The following OCM variants were observed in gnomAD, a reference collection of about 807,000 sequenced individuals.
OCM encodes the protein oncomodulin.
A neutral mutation model predicts 14.1 loss-of-function variants in OCM; 18 were observed. The ratio of observed to expected loss-of-function variants is 1.28; its 90% CI spans 0.88 to 1.89. The LOEUF is 1.89. Among genes scored for constraint, OCM ranks in the 40% most tolerant of loss-of-function variants. The probability of loss-of-function intolerance (pLI) is 0.00; values close to 1 mark genes in which losing one functional copy is unlikely to be tolerated. For missense variants in OCM, 140 were observed against 137.6 expected, an observed-to-expected ratio of 1.02 and a Z score of -0.09; for synonymous variants, 48 against 51.0, an observed-to-expected ratio of 0.94 and a Z score of 0.25.
chr7:5,880,947 C>T lies in OCM; in HGVS notation c.58C>T (p.Arg20Ter), dbSNP rs371654274. 2.7e-5 allele frequency: 43 copies of T among 1,610,740 alleles called. No individual in the cohort carries two copies. In the Admixed American group the frequency reaches 3.0e-4, roughly 11 times the overall value. Reference protein sequence around the residue: ...DDIAAALQECRDPDTFEPQKF... With the variant: ...DDIAAALQEC ...CATTGCAGCAGCGCTCCAGGAATGCCGAGGTAGAGGGGACGTGAGGCGGGG... is the reference window on the plus strand; with the variant it reads ...CATTGCAGCAGCGCTCCAGGAATGCTGAGGTAGAGGGGACGTGAGGCGGGG... The change falls in exon 1 of 4, where the codon CGA becomes TGA. Residue 20 changes from arginine (R) to a stop codon, truncating the protein, a stop_gained. Coordinates refer to ENST00000242104, the MANE Select transcript of OCM (RefSeq NM_001097622.2). LOFTEE classifies it high-confidence loss of function.
At chr7:5,867,374 C>G in the OCM span, among the ~76,000 whole-genome samples, 25 of 152,110 alleles carry the variant, frequency 1.6e-4, no homozygotes, top group African/African-American at 6.0e-4. Flanking sequence ...TATTGTGTCT[C>G]TTTTTTCTGG....
the OCM span, among the ~76,000 whole-genome samples, chr7:5,868,016 G>A: frequency 6.6e-6 from 1 of 152,022 alleles, no homozygotes; most frequent in Admixed American, 6.6e-5. Flanking sequence ...GGGATTACAG[G>A]AGTGAGCCAC....
upstream of OCM, among the ~76,000 whole-genome samples, chr7:5,879,591 C>A (rs116926195): frequency 0.025 from 3,780 of 152,178 alleles, 69 homozygotes; most frequent in Non-Finnish European, 0.038. Flanking sequence ...TTAGTTCAGG[C>A]CACCATCTCC....
intron 2 of OCM, among the ~76,000 whole-genome samples, chr7:5,883,610 C>A (rs1014697740): frequency 6.6e-6 from 1 of 150,756 alleles, no homozygotes. Flanking sequence ...TTGATTGAGC[C>A]CAGGAAGTCG....
chr7:5,885,114 C>T (rs1458879833), intron 3 of OCM, among the ~76,000 whole-genome samples: 1 of 71,306 alleles, frequency 1.4e-5, no homozygotes, highest in African/African-American at 5.2e-5. Flanking sequence ...GAGTGAAACT[C>T]TATCTCAAAA....
At chr7:5,885,578 T>C (rs191738444) in intron 3 of OCM, among the ~76,000 whole-genome samples, 122 of 151,882 alleles carry the variant, frequency 8.0e-4, no homozygotes, top group South Asian at 2.3e-3. Context: ...GATATAGTCA[T>C]TGATACCCAG....
upstream of OCM, among the ~76,000 whole-genome samples, chr7:5,875,121 C>G (rs1385427924): frequency 6.7e-6 from 1 of 149,476 alleles, no homozygotes; most frequent in Admixed American, 6.8e-5. Context: ...GTGGCACAAA[C>G]TTGGCTCACT....
chr7:5,865,401 C>T, the OCM span, among the ~76,000 whole-genome samples: 321 of 152,198 alleles, frequency 2.1e-3, no homozygotes, highest in African/African-American at 7.1e-3. Flanking sequence ...GAGATGGTGA[C>T]GCTAAGAGGC....
At chr7:5,871,173 C>CA in the OCM span, among the ~76,000 whole-genome samples, 1 of 44,816 alleles carries the variant, frequency 2.2e-5, no homozygotes, top group Admixed American at 3.4e-4. Context: ...ATAGTGAGAG[C>CA]CCCCCCCCCG....
intron 1 of OCM, among the ~76,000 whole-genome samples, chr7:5,882,085 C>CAAAAAAA (rs60321561): frequency 2.8e-4 from 13 of 45,970 alleles, no homozygotes; most frequent in African/African-American, 6.6e-4. Context: ...GACTCTGTCT[C>CAAAAAAA]AAAAAAAAAA....
At chr7:5,874,195 G>C in the OCM span, among the ~76,000 whole-genome samples, 1 of 117,326 alleles carries the variant, frequency 8.5e-6, no homozygotes, top group Non-Finnish European at 1.6e-5. Flanking sequence ...CTACATTCCA[G>C]CCTGGGTGAC....
At chr7:5,860,805 C>CAT in the OCM span, among the ~76,000 whole-genome samples, 22 of 109,978 alleles carry the variant, frequency 2.0e-4, 4 homozygotes, top group East Asian at 9.2e-3. Flanking sequence ...TATATACACA[C>CAT]ATACACACAT....
At chr7:5,869,423 C>A in the OCM span, among the ~76,000 whole-genome samples, 1 of 151,980 alleles carries the variant, frequency 6.6e-6, no homozygotes, top group Non-Finnish European at 1.5e-5. Context: ...CATGGTGAAA[C>A]CCTGTCTCTA....
the OCM span, among the ~76,000 whole-genome samples, chr7:5,862,887 CTT>C: frequency 6.1e-4 from 92 of 151,746 alleles, 1 homozygote; most frequent in African/African-American, 2.2e-3. Flanking sequence ...ATCATGGACT[CTT>C]TACTCCCTCT....
At position 5,880,941 on chromosome 7, in the gene OCM, G is replaced by A. The variant is rs775930930; in HGVS notation, c.52G>A (p.Glu18Lys). 1.9e-6 allele frequency: 3 copies of A among 1,611,402 alleles called. No individual in the cohort carries two copies. The highest frequency in any genetic ancestry group is 2.5e-6 in the Non-Finnish European group (3 of 1,177,836). The change falls in exon 1 of 4, where the codon GAA (glutamate) becomes AAA (lysine). Residue 18 changes from glutamate (E) to lysine (K), a missense_variant. Coordinates refer to ENST00000242104, the MANE Select transcript of OCM (RefSeq NM_001097622.2). Reference sequence around the variant, plus strand: ...TGACGACATTGCAGCAGCGCTCCAGGAATGCCGAGGTAGAGGGGACGTGAG... The same window carrying A: ...TGACGACATTGCAGCAGCGCTCCAGAAATGCCGAGGTAGAGGGGACGTGAG... Reference protein sequence around the residue: ...SADDIAAALQECRDPDTFEPQ... With the variant: ...SADDIAAALQKCRDPDTFEPQ...
upstream of OCM, among the ~76,000 whole-genome samples, chr7:5,876,993 C>CG (rs1334587611): frequency 1.3e-5 from 2 of 151,970 alleles, no homozygotes; most frequent in Non-Finnish European, 1.5e-5. Flanking sequence ...TTAGTAGAGA[C>CG]GGGGGTTTCT....
chr7:5,884,329 G>A (rs948484757), intron 3 of OCM, among the ~76,000 whole-genome samples: 4 of 152,176 alleles, frequency 2.6e-5, no homozygotes, highest in African/African-American at 9.7e-5. Flanking sequence ...CATAAAGCGC[G>A]AGGTATTTCT....
the OCM span, among the ~76,000 whole-genome samples, chr7:5,869,768 C>T: frequency 2.0e-5 from 3 of 152,120 alleles, no homozygotes; most frequent in African/African-American, 7.2e-5. Flanking sequence ...TGCCCATAAT[C>T]CGCACGTGCT....
upstream of OCM, among the ~76,000 whole-genome samples, chr7:5,877,819 C>CAAA (rs535302724): frequency 1.4e-3 from 75 of 55,282 alleles, no homozygotes; most frequent in Admixed American, 2.1e-3. Context: ...GACTCCATCT[C>CAAA]AAAAAAAAAA....
Sources: allele counts gnomAD v4.1 joint callset (sites outside exome capture counted in the v4.1 genomes callset), GRCh38; gene constraint gnomAD v4.1.1; transcripts MANE v1.5; gene names NCBI Gene and HGNC (gene_info 2026-07-23, HGNC 2026-07-21).